SLC38A1: variants seen among roughly 807,000 people sequenced by gnomAD.
SLC38A1 encodes sodium-coupled neutral amino acid symporter 1.
SLC38A1 carries 18 observed loss-of-function variants against 60.3 expected under a neutral mutation model. The ratio of observed to expected loss-of-function variants is 0.30; its 90% CI spans 0.21 to 0.44. The LOEUF is 0.44. SLC38A1 is among the 20% of genes least tolerant of loss of function. The probability of loss-of-function intolerance (pLI) is 1.00; values close to 1 mark genes in which losing one functional copy is unlikely to be tolerated. For synonymous variants in SLC38A1, 196 were observed against 212.1 expected, an observed-to-expected ratio of 0.92 and a Z score of 0.66; for missense variants, 448 against 587.2, an observed-to-expected ratio of 0.76 and a Z score of 2.45.
intron 6 of SLC38A1, among the ~76,000 whole-genome samples, chr12:46,208,609 C>A (rs1227785727): frequency 6.6e-6 from 1 of 152,166 alleles, no homozygotes; most frequent in Non-Finnish European, 1.5e-5. Flanking sequence ...CTTGAAGTCT[C>A]TTCATAGCTT....
At chr12:46,189,713 T>C (rs1049817994) in intron 16 of SLC38A1, among the ~76,000 whole-genome samples, 4 of 152,112 alleles carry the variant, frequency 2.6e-5, no homozygotes, top group African/African-American at 4.8e-5. Context: ...AATTGAATCC[T>C]GGGGGCGGGT....
chr12:46,216,101 CT>C (rs1940400311), intron 5 of SLC38A1, among the ~76,000 whole-genome samples: 5 of 152,186 alleles, frequency 3.3e-5, no homozygotes, highest in Admixed American at 3.3e-4. Flanking sequence ...TCTTCTACCT[CT>C]TACTTCTAGT....
Position 46,204,296 on chromosome 12 carries a change from C to A in SLC38A1, c.822+5G>T. 6.4e-7 allele frequency: 1 copy of A among 1,551,408 alleles called. No homozygotes were observed. The highest frequency in any genetic ancestry group is 8.9e-7 in the Non-Finnish European group (1 of 1,123,142). ...GTTTCATCTGCAAAGGATCAGGAAACTTACCTTTGAATTGAAGGTAACATA... is the reference window on the plus strand; with the variant it reads ...GTTTCATCTGCAAAGGATCAGGAAAATTACCTTTGAATTGAAGGTAACATA... On this transcript the variant is annotated splice_donor_5th_base_variant and intron_variant, in intron 11 of 16. Coordinates refer to ENST00000398637, the MANE Select transcript of SLC38A1 (RefSeq NM_030674.4).
At chr12:46,218,848 A>C (rs903127660) in intron 5 of SLC38A1, among the ~76,000 whole-genome samples, 42 of 152,036 alleles carry the variant, frequency 2.8e-4, no homozygotes, top group African/African-American at 1.0e-3. Context: ...GGGTGAAGTA[A>C]GATTTTCTTG....
chr12:46,199,125 G>GGGGGT (rs1202060871), intron 13 of SLC38A1, among the ~76,000 whole-genome samples: 1 of 152,060 alleles, frequency 6.6e-6, no homozygotes, highest in East Asian at 1.9e-4. Flanking sequence ...TGCTCAGGGA[G>GGGGGT]GGGGTGGGGT....
chr12:46,196,246 G>T (rs1238341322), intron 16 of SLC38A1: 1 of 1,535,976 alleles, frequency 6.5e-7, no homozygotes, highest in African/African-American at 1.4e-5. Context: ...AGCCAACAGG[G>T]CTGGACTGGA....
chr12:46,214,613 A>G (rs1443257410), intron 5 of SLC38A1, among the ~76,000 whole-genome samples: 1 of 152,250 alleles, frequency 6.6e-6, no homozygotes, highest in Non-Finnish European at 1.5e-5. Context: ...GTATTTGGGT[A>G]AATTTAACAA....
chr12:46,256,022 C>G (rs1460852553), intron 1 of SLC38A1, among the ~76,000 whole-genome samples: 2 of 151,924 alleles, frequency 1.3e-5, no homozygotes, highest in African/African-American at 4.8e-5. Flanking sequence ...AAAAAATTAG[C>G]TGGGCATGGT....
At chr12:46,255,653 T>C (rs1411725049) in intron 1 of SLC38A1, among the ~76,000 whole-genome samples, 3 of 152,252 alleles carry the variant, frequency 2.0e-5, no homozygotes, top group African/African-American at 7.2e-5. Flanking sequence ...CTTAATTATA[T>C]GTTACAATGC....
At chr12:46,240,296 A>G (rs2138288148) in intron 2 of SLC38A1, among the ~76,000 whole-genome samples, 1 of 152,270 alleles carries the variant, frequency 6.6e-6, no homozygotes, top group Middle Eastern at 3.4e-3. Flanking sequence ...TCCCTGGTTC[A>G]AGCGATTCTC....
chr12:46,256,165 C>CAA (rs61078872), intron 1 of SLC38A1, among the ~76,000 whole-genome samples: 16 of 69,204 alleles, frequency 2.3e-4, no homozygotes, highest in Middle Eastern at 7.5e-3. Context: ...GGTTCTATCT[C>CAA]AAAAAAAAAA....
chr12:46,199,737 A>G (rs1939565519), intron 13 of SLC38A1, among the ~76,000 whole-genome samples: 1 of 152,140 alleles, frequency 6.6e-6, no homozygotes, highest in Non-Finnish European at 1.5e-5. Flanking sequence ...CTAGAATGGC[A>G]GTCACATAGA....
intron 16 of SLC38A1, among the ~76,000 whole-genome samples, chr12:46,190,856 C>A (rs1418205244): frequency 6.6e-6 from 1 of 152,186 alleles, no homozygotes; most frequent in Non-Finnish European, 1.5e-5. Flanking sequence ...GGGTAGACTG[C>A]AAAGATTTTC....
At chr12:46,239,412 C>T (rs1941366691) in intron 3 of SLC38A1, 1 of 238,074 alleles carries the variant, frequency 4.2e-6, no homozygotes, top group African/African-American at 2.2e-5. Flanking sequence ...GCAACCTCCG[C>T]CTCTCAGGTT....
At chr12:46,221,239 C>A (rs2137647713) in intron 5 of SLC38A1, among the ~76,000 whole-genome samples, 1 of 152,206 alleles carries the variant, frequency 6.6e-6, no homozygotes, top group Non-Finnish European at 1.5e-5. Context: ...AGAGAATTCA[C>A]CTACAATTAA....
chr12:46,236,434 C>T (rs1941262494), intron 3 of SLC38A1, among the ~76,000 whole-genome samples: 1 of 152,070 alleles, frequency 6.6e-6, no homozygotes, highest in Non-Finnish European at 1.5e-5. Context: ...ATTAAACATT[C>T]CCCAACAATC....
intron 16 of SLC38A1, among the ~76,000 whole-genome samples, chr12:46,193,689 C>T (rs983719787): frequency 6.6e-6 from 1 of 151,954 alleles, no homozygotes. Context: ...TATGTAGTGG[C>T]CCTCTTTATC....
At chr12:46,216,648 C>T (rs572262639) in intron 5 of SLC38A1, among the ~76,000 whole-genome samples, 98 of 152,214 alleles carry the variant, frequency 6.4e-4, no homozygotes, top group African/African-American at 2.0e-3. Flanking sequence ...CTCAGGAGTT[C>T]GCGACCAGCC....
At position 46,268,820 on chromosome 12, in the gene SLC38A1, A is replaced by G. The variant is rs1413804659; in HGVS notation, c.-503T>C. 1 of 437,842 alleles carries G rather than the reference A, an allele frequency of 2.3e-6. No homozygotes were observed. Among genetic ancestry groups the G allele is most frequent in the Non-Finnish European group, 4.7e-6 (1 of 214,930 alleles). 27.1% of individuals were successfully genotyped at this position (437,842 alleles called of 1,614,324 possible). A position where few individuals can be genotyped will look rare whatever the true frequency, so the allele number is the denominator to read the frequency against. ...GCCGATTGCATCAGAATCTCCCCTC[A>G]CCACCAACCCCCACTCACACTCTGC... On this transcript the variant is annotated 5_prime_UTR_variant, in exon 1 of 17. Transcript: ENST00000398637. The surrounding 1 kb of genome is among the most constrained non-coding windows in gnomAD (Gnocchi z 4.4).
Sources: gnomAD v4.1 joint callset for allele counts (sites outside exome capture counted in the v4.1 genomes callset) on GRCh38, gnomAD v4.1.1 for gene constraint, Gnocchi (gnomAD v3.1) non-coding constraint, MANE v1.5 for transcripts, NCBI Gene and HGNC (gene_info 2026-07-23, HGNC 2026-07-21) for gene names.